OSCP1: variants seen among roughly 807,000 people sequenced by gnomAD.
OSCP1 encodes protein OSCP1.
A neutral mutation model predicts 45.1 loss-of-function variants in OSCP1; 35 were observed. That is an observed-to-expected ratio of 0.78 (90% CI 0.59 to 1.03). OSCP1 has a LOEUF of 1.03. OSCP1 is among the 50% of genes least tolerant of loss of function. The pLI, the probability that OSCP1 is intolerant of heterozygous loss-of-function variation, is 0.00. For missense variants in OSCP1, 400 were observed against 470.7 expected (o/e 0.85, Z 1.39); for synonymous variants, 179 against 180.1 (o/e 0.99, Z 0.05).
chr1:36,441,311 C>G (rs1040047089), intron 1 of OSCP1, among the ~76,000 whole-genome samples: 24 of 152,258 alleles, frequency 1.6e-4, no homozygotes, highest in African/African-American at 5.8e-4. Flanking sequence ...ATTTGCTTCA[C>G]CCAGCCCTTG....
intron 4 of OSCP1, among the ~76,000 whole-genome samples, chr1:36,430,946 C>G (rs371948642): frequency 6.6e-6 from 1 of 152,182 alleles, no homozygotes; most frequent in South Asian, 2.1e-4. Flanking sequence ...TGAGCCACTG[C>G]GCTCCGCCGA....
intron 2 of OSCP1, among the ~76,000 whole-genome samples, chr1:36,434,126 G>A (rs1457786417): frequency 3.3e-5 from 5 of 152,104 alleles, no homozygotes; most frequent in East Asian, 1.9e-4. Flanking sequence ...ATGTGGGAGC[G>A]GAAGAGCCAG....
chr1:36,446,543 C>A (rs1357590297), intron 1 of OSCP1, among the ~76,000 whole-genome samples: 1 of 152,198 alleles, frequency 6.6e-6, no homozygotes, highest in Non-Finnish European at 1.5e-5. Flanking sequence ...CTGTGTGCTC[C>A]CCTACTCCTT....
In OSCP1 at chr1:36,438,880, T is replaced by C. The variant is rs563074314; in HGVS notation, c.143A>G (p.Asn48Ser). Residue 48 changes from asparagine (N) to serine (S), a missense_variant, in exon 2 of 10, where the codon AAT becomes AGT. Physicochemically the swap from Asn to Ser is conservative, Grantham distance 46. Transcript: ENST00000235532. ...GAATAATTCCTCCATAAACTTTCTA[T>C]TGAACATGGTGGAGATGATGTCATT... Reference protein sequence around the residue: ...VLNDIISTMFNRKFMEELFKP... With the variant: ...VLNDIISTMFSRKFMEELFKP... 6 of 1,614,174 alleles carry C rather than the reference T, an allele frequency of 3.7e-6. No individual in the cohort carries two copies. The African/African-American group carries it at 8.0e-5, about 22-fold the overall frequency.
intron 1 of OSCP1, among the ~76,000 whole-genome samples, chr1:36,444,690 A>G (rs2124027239): frequency 1.3e-5 from 2 of 152,342 alleles, no homozygotes; most frequent in East Asian, 3.9e-4. Context: ...GGAGATCCCA[A>G]GAGGAGACCA....
intron 2 of OSCP1, among the ~76,000 whole-genome samples, chr1:36,437,159 C>T (rs1411255089): frequency 6.6e-6 from 1 of 152,114 alleles, no homozygotes. Context: ...GCAGCCCCCA[C>T]CTAAGGAGGG....
At chr1:36,428,362 T>C in intron 4 of OSCP1, 2 of 1,614,128 alleles carry the variant, frequency 1.2e-6, no homozygotes, top group East Asian at 2.2e-5. Flanking sequence ...CAAAAGGGTA[T>C]ACATAATGGA....
chr1:36,428,510 T>C (rs763925534), intron 4 of OSCP1: 3 of 1,568,914 alleles, frequency 1.9e-6, no homozygotes, highest in Non-Finnish European at 2.6e-6. Context: ...ATATGTTACA[T>C]ATGCTGTTTC....
chr1:36,423,821 C>A (rs1382439114), intron 4 of OSCP1, among the ~76,000 whole-genome samples: 1 of 151,734 alleles, frequency 6.6e-6, no homozygotes, highest in Non-Finnish European at 1.5e-5. Flanking sequence ...TTGCAGTGAG[C>A]CAAGATCGTG....
intron 4 of OSCP1, among the ~76,000 whole-genome samples, chr1:36,429,749 T>TTTTA (rs1385318005): frequency 5.3e-5 from 8 of 151,456 alleles, no homozygotes; most frequent in African/African-American, 1.9e-4. Flanking sequence ...TTTATTTTAT[T>TTTTA]TTTATTTATT....
At chr1:36,418,762 CAAAAAAA>C (rs34581789) in intron 9 of OSCP1, among the ~76,000 whole-genome samples, 1 of 136,658 alleles carries the variant, frequency 7.3e-6, no homozygotes, top group African/African-American at 2.8e-5. Context: ...ACTAAAAATA[CAAAAAAA>C]AAAAAAAAAT....
intron 2 of OSCP1, among the ~76,000 whole-genome samples, chr1:36,436,002 T>C (rs1308245355): frequency 2.0e-5 from 3 of 152,054 alleles, no homozygotes; most frequent in African/African-American, 7.2e-5. Flanking sequence ...TCTGTCTCCC[T>C]GAGTCTTCTA....
chr1:36,423,690 C>T (rs886482660), intron 4 of OSCP1, among the ~76,000 whole-genome samples: 13 of 151,772 alleles, frequency 8.6e-5, no homozygotes, highest in Admixed American at 3.3e-4. Flanking sequence ...CTGGCTAACA[C>T]GGTGAAACCC....
At chr1:36,438,694 A>G (rs1175594858) in intron 2 of OSCP1, 62 bp downstream of exon 2, 9 of 1,542,210 alleles carry the variant, frequency 5.8e-6, no homozygotes, top group Non-Finnish European at 7.9e-6. Context: ...ACCCCAGTCT[A>G]TGATCATCCA....
chr1:36,430,886 C>A (rs1397974121), intron 4 of OSCP1, among the ~76,000 whole-genome samples: 1 of 152,178 alleles, frequency 6.6e-6, no homozygotes, highest in Non-Finnish European at 1.5e-5. Context: ...AACTCCTGAC[C>A]TCAGGTGATC....
chr1:36,430,499 G>A (rs1414608401), intron 4 of OSCP1, among the ~76,000 whole-genome samples: 1 of 152,076 alleles, frequency 6.6e-6, no homozygotes. Context: ...CCAGGGCATG[G>A]TGGCTCACAC....
At chr1:36,440,305 G>A (rs568584629) in intron 1 of OSCP1, among the ~76,000 whole-genome samples, 2 of 152,288 alleles carry the variant, frequency 1.3e-5, no homozygotes, top group East Asian at 3.9e-4. Flanking sequence ...CACATTTTAT[G>A]GGGGAAGGGG....
At chr1:36,444,639 G>C (rs529846598) in intron 1 of OSCP1, among the ~76,000 whole-genome samples, 5 of 152,088 alleles carry the variant, frequency 3.3e-5, no homozygotes, top group Non-Finnish European at 7.4e-5. Flanking sequence ...AATAATGATG[G>C]GACCACTATG....
intron 4 of OSCP1, chr1:36,428,600 C>T: frequency 1.6e-6 from 2 of 1,226,476 alleles, no homozygotes; most frequent in South Asian, 1.9e-5. Flanking sequence ...TTATTTTGCC[C>T]AAGGTCATGG....
Sources: gnomAD v4.1 joint callset for allele counts (sites outside exome capture counted in the v4.1 genomes callset) on GRCh38, gnomAD v4.1.1 for gene constraint, MANE v1.5 for transcripts, NCBI Gene and HGNC (gene_info 2026-07-23, HGNC 2026-07-21) for gene names.